DSTYK: variants seen among roughly 807,000 people sequenced by gnomAD.
The protein encoded by DSTYK is RIP-homologous kinase.
DSTYK carries 34 observed loss-of-function variants against 98.7 expected under a neutral mutation model. The observed-to-expected ratio is 0.34, with a 90% CI of 0.26 to 0.46. DSTYK has a LOEUF of 0.46. Ranked by LOEUF, DSTYK falls within the 20% of genes least tolerant of loss-of-function variation. The probability of loss-of-function intolerance (pLI) is 1.00; values close to 1 mark genes in which losing one functional copy is unlikely to be tolerated. For synonymous variants in DSTYK, 462 were observed against 457.3 expected, an observed-to-expected ratio of 1.01 and a Z score of -0.13; for missense variants, 962 against 1,181.7, an observed-to-expected ratio of 0.81 and a Z score of 2.73.
chr1:205,211,488 G>GGGACCC lies in DSTYK; in HGVS notation c.42_47dup (p.Pro18_Gly19dup). 2.5e-6 allele frequency: 4 copies of GGGACCC among 1,582,360 alleles called. No individual in the cohort carries two copies. Among genetic ancestry groups the GGGACCC allele is most frequent in the Non-Finnish European group, 3.4e-6 (4 of 1,168,754 alleles). ...GGATCATTCCGCCGCCGCCGGGGCCGGGACCCGAGACGGGCTCGCTGCCCC... is the reference window on the plus strand; with the variant it reads ...GGATCATTCCGCCGCCGCCGGGGCCGGGACCCGGACCCGAGACGGGCTCGCTGCCCC... On this transcript the variant is annotated inframe_insertion, in exon 1 of 13. Transcript: ENST00000367162.
chr1:205,177,580 G>C (rs1417831500), intron 2 of DSTYK, among the ~76,000 whole-genome samples: 1 of 152,012 alleles, frequency 6.6e-6, no homozygotes, highest in Non-Finnish European at 1.5e-5. Flanking sequence ...AAAATACCTT[G>C]ACTTGGCTGG....
chr1:205,203,043 C>T (rs2102479157), intron 1 of DSTYK, among the ~76,000 whole-genome samples: 1 of 152,152 alleles, frequency 6.6e-6, no homozygotes, highest in East Asian at 1.9e-4. Context: ...ATATAAAAAC[C>T]AGACTGGATT....
In DSTYK at chr1:205,161,372, A is replaced by C. The variant is rs774425962; in HGVS notation, c.1834T>G (p.Ser612Ala). 2.4e-5 allele frequency: 38 copies of C among 1,614,176 alleles called. No individual in the cohort carries two copies. Among genetic ancestry groups the C allele is most frequent in the Non-Finnish European group, 3.2e-5 (38 of 1,179,994 alleles). The change falls in exon 7 of 13, where the codon TCA becomes GCA. Residue 612 changes from serine (S) to alanine (A), a missense_variant. Ser to Ala is a moderately conservative substitution (Grantham distance 99, BLOSUM62 1). This residue lies in a region of DSTYK where 660 missense variants were observed against 855.0 expected (regional missense o/e 0.77). Transcript: ENST00000367162. ...TCTTCCGTTTTCTCTAACCGGCCTGAGTGGCCAGCTTCCAGCTGGGAGAGA... is the reference window on the plus strand; with the variant it reads ...TCTTCCGTTTTCTCTAACCGGCCTGCGTGGCCAGCTTCCAGCTGGGAGAGA... Reference protein sequence around the residue: ...ASLRQLEAGHSGRLEKTEDLW... With the variant: ...ASLRQLEAGHAGRLEKTEDLW...
chr1:205,205,860 G>A (rs1455817260), intron 1 of DSTYK, among the ~76,000 whole-genome samples: 1 of 152,162 alleles, frequency 6.6e-6, no homozygotes, highest in Non-Finnish European at 1.5e-5. Flanking sequence ...ATAGCTGTAA[G>A]CTCACCAAAG....
At position 205,159,602 on chromosome 1, in the gene DSTYK, A is replaced by G. The variant is rs754756694; in HGVS notation, c.2183T>C (p.Ile728Thr). 18 of 1,613,784 alleles carry G rather than the reference A, an allele frequency of 1.1e-5. No homozygotes were observed. In the East Asian group the frequency reaches 3.6e-4, roughly 32 times the overall value. The change falls in exon 9 of 13, where the codon ATT becomes ACT. Residue 728 changes from isoleucine to threonine, a missense_variant. By Grantham distance (89) the Ile-to-Thr change is moderately conservative. Coordinates refer to ENST00000367162, the MANE Select transcript of DSTYK (RefSeq NM_015375.3). ...CCGCTCCATAATGAGGAGCACAGCA[A>G]TGCTGGAGCCACCACCATAGTTGTA... ...IDYNYGGGSS[I>T]AVLLIMERLH...
At chr1:205,161,990 C>A in intron 6 of DSTYK, 46 bp downstream of exon 6, 1 of 1,581,864 alleles carries the variant, frequency 6.3e-7, no homozygotes, top group South Asian at 1.1e-5. Flanking sequence ...CTGGATGAGG[C>A]TCTTCTCTGC....
chr1:205,202,777 T>G (rs1366180172), intron 1 of DSTYK: 2 of 619,224 alleles, frequency 3.2e-6, no homozygotes, highest in Non-Finnish European at 5.7e-6. Context: ...TTAAATATTT[T>G]TTTAAAAAAA....
chr1:205,166,418 T>C (rs1574763214), intron 3 of DSTYK, among the ~76,000 whole-genome samples: 1 of 150,612 alleles, frequency 6.6e-6, no homozygotes, highest in East Asian at 2.0e-4. Flanking sequence ...TTGTGGGGGC[T>C]GAAGCAGGAG....
chr1:205,183,907 T>C (rs1335136584), intron 2 of DSTYK, among the ~76,000 whole-genome samples: 3 of 152,170 alleles, frequency 2.0e-5, no homozygotes, highest in Admixed American at 2.0e-4. Context: ...GGATCTGGTA[T>C]GAGGCCTACA....
intron 1 of DSTYK, among the ~76,000 whole-genome samples, chr1:205,198,310 C>T (rs1315094710): frequency 6.6e-6 from 1 of 152,214 alleles, no homozygotes; most frequent in South Asian, 2.1e-4. Flanking sequence ...TGCCATTATA[C>T]ACTAACTACT....
At chr1:205,209,893 C>CTATTATTATTAT (rs372431377) in intron 1 of DSTYK, among the ~76,000 whole-genome samples, 305 of 150,166 alleles carry the variant, frequency 2.0e-3, no homozygotes, top group East Asian at 9.8e-3. Context: ...TTTATTATTA[C>CTATTATTATTAT]TATTATTATT....
chr1:205,179,948 T>C (rs1324609105), intron 2 of DSTYK, among the ~76,000 whole-genome samples: 1 of 152,146 alleles, frequency 6.6e-6, no homozygotes, highest in Admixed American at 6.6e-5. Flanking sequence ...AGCCATTTGG[T>C]GCAGGAAAGA....
intron 1 of DSTYK, among the ~76,000 whole-genome samples, chr1:205,196,311 C>A (rs879637920): frequency 9.9e-5 from 15 of 152,266 alleles, no homozygotes; most frequent in Admixed American, 9.2e-4. Context: ...AGTCCTAGCA[C>A]TTTGGGAGGC....
intron 2 of DSTYK, among the ~76,000 whole-genome samples, chr1:205,172,841 T>C (rs888863261): frequency 2.0e-5 from 3 of 152,042 alleles, no homozygotes; most frequent in African/African-American, 7.2e-5. Context: ...AAGAAGAAAT[T>C]TGCTGTTTCA....
intron 2 of DSTYK, among the ~76,000 whole-genome samples, chr1:205,170,813 G>A (rs962983509): frequency 6.6e-6 from 1 of 152,092 alleles, no homozygotes; most frequent in Non-Finnish European, 1.5e-5. Flanking sequence ...ATTCTACCAG[G>A]AAATATGTCC....
Position 205,187,526 on chromosome 1 carries a change from G to A in DSTYK, c.546C>T (p.Gly182=). Residue 182 remains glycine (G), a synonymous_variant, in exon 2 of 13, where the codon GGC becomes GGT. Coordinates refer to ENST00000367162, the MANE Select transcript of DSTYK (RefSeq NM_015375.3). ...CCTCCTCAGGGATGGTCTCCCAGTT[G>A]CCCTGATGAGCAACCAGCGTGTGCA... ...ELVHTLVAHQ[G]NWETIPEEDL... 1 of 1,614,148 alleles carries A rather than the reference G, an allele frequency of 6.2e-7. No homozygotes were observed. Among genetic ancestry groups the A allele is most frequent in the Non-Finnish European group, 8.5e-7 (1 of 1,180,032 alleles).
At chr1:205,153,948 A>G (rs1657482414) in intron 10 of DSTYK, among the ~76,000 whole-genome samples, 1 of 147,158 alleles carries the variant, frequency 6.8e-6, no homozygotes, top group Non-Finnish European at 1.5e-5. Flanking sequence ...TCCTGACCTC[A>G]GGTGATTCAC....
chr1:205,180,702 C>T (rs1182795756), intron 2 of DSTYK, among the ~76,000 whole-genome samples: 2 of 152,112 alleles, frequency 1.3e-5, no homozygotes, highest in Non-Finnish European at 2.9e-5. Context: ...TGAACTCAAG[C>T]GCTCTGCCTG....
At position 205,159,550 on chromosome 1, in the gene DSTYK, C is replaced by T; in HGVS notation, c.2235G>A (p.Leu745=). The T allele has an allele frequency of 6.2e-7, 1 of 1,610,680 alleles. No individual in the cohort carries two copies. The highest frequency in any genetic ancestry group is 1.3e-5 in the African/African-American group (1 of 75,042). Residue 745 remains leucine (L), a synonymous_variant, in exon 9 of 13, where the codon CTG becomes CTA. Transcript: ENST00000367162. ...CTGGATCTTGCTCTCTCCTTACCTT[C>T]AGCCCTGTGTAGAGATCCCGGTGTA... is the stretch of plus-strand genomic sequence containing the variant. The part of the protein sequence containing the change: ...ERLHRDLYTG[L]KAGLTLETRL...
Sources: allele counts gnomAD v4.1 joint callset (sites outside exome capture counted in the v4.1 genomes callset), GRCh38; gene constraint gnomAD v4.1.1; regional missense constraint gnomAD v4.1.1; transcripts MANE v1.5; gene names NCBI Gene and HGNC (gene_info 2026-07-23, HGNC 2026-07-21).